SMAP1: variants seen among roughly 807,000 people sequenced by gnomAD.
SMAP1 encodes the protein stromal membrane-associated protein 1.
SMAP1 carries 24 observed loss-of-function variants against 58.5 expected under a neutral mutation model. The observed-to-expected ratio is 0.41, with a 90% CI of 0.30 to 0.58. The LOEUF (loss-of-function observed/expected upper bound fraction) is 0.58. Ranked by LOEUF, SMAP1 falls within the 20% of genes least tolerant of loss-of-function variation. The probability of loss-of-function intolerance (pLI) is 0.29; values close to 1 mark genes in which losing one functional copy is unlikely to be tolerated. For missense variants in SMAP1, 563 were observed against 566.3 expected (o/e 0.99, Z 0.06); for synonymous variants, 216 against 196.6 (o/e 1.10, Z -0.82).
At chr6:70,834,394 A>C (rs920312458) in intron 6 of SMAP1, among the ~76,000 whole-genome samples, 27 of 150,680 alleles carry the variant, frequency 1.8e-4, no homozygotes, top group Non-Finnish European at 4.4e-5. Context: ...AAAGAATGCT[A>C]AATTTGGAGT....
intron 5 of SMAP1, among the ~76,000 whole-genome samples, chr6:70,792,050 C>T (rs1768385339): frequency 6.6e-6 from 1 of 152,040 alleles, no homozygotes; most frequent in Non-Finnish European, 1.5e-5. Flanking sequence ...CTATCTTATA[C>T]TTACAGGAAC....
At chr6:70,799,424 T>A (rs12202843) in intron 6 of SMAP1, among the ~76,000 whole-genome samples, 65,928 of 151,892 alleles carry the variant, frequency 0.43, 14,684 homozygotes, top group South Asian at 0.5. Flanking sequence ...TAGATGTGAT[T>A]AGGCGAACTA....
chr6:70,766,586 T>C (rs1766997011), intron 3 of SMAP1, among the ~76,000 whole-genome samples: 5 of 152,180 alleles, frequency 3.3e-5, no homozygotes, highest in Non-Finnish European at 7.4e-5. Flanking sequence ...CACTTTTTGA[T>C]GGGGTGGTTT....
In SMAP1 at chr6:70,697,454, C is replaced by A. The variant is rs567348795; in HGVS notation, c.118+29313C>A. On this transcript the variant is annotated intron_variant, in intron 1 of 10. Transcript: ENST00000370455. Reference sequence around the variant, plus strand: ...CCTAGTAGCTGGGATTACAGGTGCCCACCACCACACCCAGCTAATTTTTTT... The same window carrying A: ...CCTAGTAGCTGGGATTACAGGTGCCAACCACCACACCCAGCTAATTTTTTT... Among the ~76,000 whole-genome samples, 3 of 151,962 alleles carry A rather than the reference C, an allele frequency of 2.0e-5. No homozygotes were observed. The South Asian group carries it at 6.2e-4, about 32-fold the overall frequency.
chr6:70,710,323 T>G (rs1284172923), intron 1 of SMAP1, among the ~76,000 whole-genome samples: 1 of 151,760 alleles, frequency 6.6e-6, no homozygotes, highest in Non-Finnish European at 1.5e-5. Context: ...AAACCCCATC[T>G]CTACTAAAAA....
At chr6:70,680,261 C>A (rs1766645459) in intron 1 of SMAP1, among the ~76,000 whole-genome samples, 1 of 152,182 alleles carries the variant, frequency 6.6e-6, no homozygotes, top group African/African-American at 2.4e-5. Flanking sequence ...GGGAAAATCT[C>A]TGGGACCTTG....
chr6:70,772,272 A>G (rs1428900343), intron 3 of SMAP1, among the ~76,000 whole-genome samples: 1 of 152,152 alleles, frequency 6.6e-6, no homozygotes, highest in Admixed American at 6.5e-5. Flanking sequence ...CCTTTCTATT[A>G]CCTGTTGCCT....
chr6:70,668,717 G>C (rs1390783949), intron 1 of SMAP1: 1 of 1,536,092 alleles, frequency 6.5e-7, no homozygotes, highest in Admixed American at 2.0e-5. Context: ...GTCTTTTTCG[G>C]TGGGTTTGAG....
At chr6:70,722,065 T>TA (rs768272007) in intron 1 of SMAP1, among the ~76,000 whole-genome samples, 4 of 152,200 alleles carry the variant, frequency 2.6e-5, no homozygotes, top group Non-Finnish European at 5.9e-5. Flanking sequence ...CTATAGAACT[T>TA]ACATTTCATC....
At chr6:70,668,854 T>G in intron 1 of SMAP1, 1 of 1,040,582 alleles carries the variant, frequency 9.6e-7, no homozygotes, top group Non-Finnish European at 1.4e-6. Context: ...GGGTTTGTAT[T>G]TCTGAAGATT....
intron 6 of SMAP1, among the ~76,000 whole-genome samples, chr6:70,803,019 A>G (rs1327236358): frequency 2.6e-5 from 4 of 152,248 alleles, no homozygotes; most frequent in Non-Finnish European, 4.4e-5. Context: ...TTCTGGCCTC[A>G]TAAAATGAGT....
intron 3 of SMAP1, among the ~76,000 whole-genome samples, chr6:70,770,780 C>T (rs747432541): frequency 1.3e-4 from 20 of 152,134 alleles, no homozygotes; most frequent in South Asian, 4.1e-4. Context: ...ACCATTGTTC[C>T]GTTGCTGATG....
At chr6:70,842,977 C>T (rs1770858032) in intron 7 of SMAP1, among the ~76,000 whole-genome samples, 1 of 152,128 alleles carries the variant, frequency 6.6e-6, no homozygotes, top group African/African-American at 2.4e-5. Context: ...GATTATATTA[C>T]CTCACTAGTT....
At chr6:70,685,146 C>G (rs1201874263) in intron 1 of SMAP1, among the ~76,000 whole-genome samples, 1 of 151,602 alleles carries the variant, frequency 6.6e-6, no homozygotes, top group East Asian at 1.9e-4. Flanking sequence ...TTTTTTTGAG[C>G]ACTCATTCAC....
intron 1 of SMAP1, among the ~76,000 whole-genome samples, chr6:70,726,834 C>T (rs1388802006): frequency 6.6e-6 from 1 of 150,766 alleles, no homozygotes; most frequent in Non-Finnish European, 1.5e-5. Context: ...TCATTTTTAT[C>T]TGAAAGTTAG....
chr6:70,823,494 T>A (rs1769983102), intron 6 of SMAP1, among the ~76,000 whole-genome samples: 1 of 152,126 alleles, frequency 6.6e-6, no homozygotes, highest in Non-Finnish European at 1.5e-5. Context: ...GCAGGCCTTG[T>A]TAAAAAGAAC....
At position 70,858,123 on chromosome 6, in the gene SMAP1, C is replaced by T; in HGVS notation, c.1163C>T (p.Pro388Leu). Reference sequence around the variant, plus strand: ...GCACAAACTGGTGTGATGCCACTTCCTCAGAACGTTGTTGGCCCCCAAGGA... The same window carrying T: ...GCACAAACTGGTGTGATGCCACTTCTTCAGAACGTTGTTGGCCCCCAAGGA... The part of the protein sequence containing the change: ...GNAQTGVMPL[P>L]QNVVGPQGGM... Residue 388 changes from proline to leucine, a missense_variant, in exon 10 of 11, where the codon CCT (proline) becomes CTT (leucine). Pro to Leu is a moderately conservative substitution (Grantham distance 98). Coordinates refer to ENST00000370455, the MANE Select transcript of SMAP1 (RefSeq NM_001044305.3). The T allele has an allele frequency of 6.2e-7, 1 of 1,614,020 alleles. No individual in the cohort carries two copies. The highest frequency in any genetic ancestry group is 8.5e-7 in the Non-Finnish European group (1 of 1,179,986).
intron 8 of SMAP1, among the ~76,000 whole-genome samples, chr6:70,854,055 A>G (rs1166025659): frequency 6.6e-6 from 1 of 152,210 alleles, no homozygotes; most frequent in African/African-American, 2.4e-5. Flanking sequence ...AAGTAGAACA[A>G]TGCAGACTTC....
intron 6 of SMAP1, among the ~76,000 whole-genome samples, chr6:70,806,504 G>T (rs971744999): frequency 6.6e-6 from 1 of 152,144 alleles, no homozygotes; most frequent in East Asian, 1.9e-4. Context: ...CCCTCCGTGG[G>T]CTGCACCCAC....
Sources: allele counts gnomAD v4.1 joint callset (sites outside exome capture counted in the v4.1 genomes callset), GRCh38; gene constraint gnomAD v4.1.1; transcripts MANE v1.5; gene names NCBI Gene and HGNC (gene_info 2026-07-23, HGNC 2026-07-21).